Variants in ZNF536 observed in about 807,000 individuals in gnomAD.
ZNF536 encodes the protein zinc finger protein 536.
ZNF536 carries 13 observed loss-of-function variants against 84.5 expected under a neutral mutation model. That is an observed-to-expected ratio of 0.15 (90% CI 0.10 to 0.24). ZNF536 has a LOEUF of 0.24. Among genes scored for constraint, ZNF536 ranks in the 10% least tolerant of loss-of-function variants. The pLI is 1.00. For missense variants in ZNF536, 1,536 were observed against 1,747.5 expected, an observed-to-expected ratio of 0.88 and a Z score of 2.16; for synonymous variants, 811 against 742.5, an observed-to-expected ratio of 1.09 and a Z score of -1.50.
intron 1 of ZNF536, among the ~76,000 whole-genome samples, chr19:30,421,208 C>T (rs1600663713): frequency 2.0e-5 from 3 of 151,916 alleles, no homozygotes; most frequent in Non-Finnish European, 2.9e-5. Context: ...TTTAAAATTA[C>T]TTTTTTTTCT....
chr19:30,264,023 G>A (rs1238524085), intron 1 of ZNF536, among the ~76,000 whole-genome samples: 1 of 152,168 alleles, frequency 6.6e-6, no homozygotes, highest in Non-Finnish European at 1.5e-5. Context: ...AACTTGAAAG[G>A]TTAGCTATGA....
At chr19:30,535,044 G>A (rs1234924707) in intron 3 of ZNF536, 45 bp downstream of exon 3, 2 of 1,568,822 alleles carry the variant, frequency 1.3e-6, no homozygotes, top group South Asian at 2.4e-5. Context: ...AGAGAAGGAG[G>A]AGGTCCCCGT....
intron 1 of ZNF536, among the ~76,000 whole-genome samples, chr19:30,272,410 C>A (rs1049879708): frequency 3.9e-5 from 6 of 152,038 alleles, no homozygotes; most frequent in Admixed American, 2.0e-4. Context: ...ATTGTTGAAC[C>A]AATATTGATA....
chr19:30,260,817 C>T (rs1297135648), intron 1 of ZNF536, among the ~76,000 whole-genome samples: 1 of 152,170 alleles, frequency 6.6e-6, no homozygotes, highest in African/African-American at 2.4e-5. Context: ...GGCCTTCATA[C>T]CCCCAAGCCC....
chr19:30,491,657 C>A (rs1394732790), intron 2 of ZNF536, among the ~76,000 whole-genome samples: 1 of 152,068 alleles, frequency 6.6e-6, no homozygotes, highest in African/African-American at 2.4e-5. Context: ...AGCATGGAGA[C>A]CTGTGCACTA....
chr19:30,338,705 G>A (rs983858806), intron 2 of ZNF536, among the ~76,000 whole-genome samples: 2 of 152,122 alleles, frequency 1.3e-5, no homozygotes, highest in African/African-American at 4.8e-5. Flanking sequence ...ATTTCACAGG[G>A]TTGTTGTAAG....
At chr19:30,530,949 A>G (rs1163082456) in intron 2 of ZNF536, among the ~76,000 whole-genome samples, 1 of 152,208 alleles carries the variant, frequency 6.6e-6, no homozygotes, top group Non-Finnish European at 1.5e-5. Context: ...GCTGGGGCTC[A>G]CGCACAGTGC....
At chr19:30,532,481 A>G (rs2044878610) in intron 2 of ZNF536, among the ~76,000 whole-genome samples, 2 of 152,176 alleles carry the variant, frequency 1.3e-5, no homozygotes, top group African/African-American at 2.4e-5. Flanking sequence ...TCCTGAAGCC[A>G]ACATCCAGGA....
chr19:30,378,922 T>A (rs1346542444), intron 1 of ZNF536, among the ~76,000 whole-genome samples: 1 of 152,186 alleles, frequency 6.6e-6, no homozygotes, highest in East Asian at 1.9e-4. Context: ...TGTGGGCCTG[T>A]GTCTTGTCTC....
chr19:30,394,675 T>C (rs993877874), intron 1 of ZNF536, among the ~76,000 whole-genome samples: 2 of 152,206 alleles, frequency 1.3e-5, no homozygotes, highest in Non-Finnish European at 2.9e-5. Flanking sequence ...TAGTACAGTC[T>C]GGAAATTACA....
At chr19:30,663,261 A>G (rs935061906) in intron 1 of ZNF536, among the ~76,000 whole-genome samples, 3 of 151,982 alleles carry the variant, frequency 2.0e-5, no homozygotes, top group African/African-American at 7.2e-5. Flanking sequence ...AATGCAGACA[A>G]ACCCCCTGAG....
intron 2 of ZNF536, among the ~76,000 whole-genome samples, chr19:30,483,873 G>A (rs991399644): frequency 2.0e-5 from 3 of 152,064 alleles, no homozygotes; most frequent in Non-Finnish European, 4.4e-5. Context: ...CACAGTCTTT[G>A]TTCTGGGGTG....
chr19:30,234,397 C>CTTTTTTTTTT (rs5827694), intron 1 of ZNF536, among the ~76,000 whole-genome samples: 1 of 82,394 alleles, frequency 1.2e-5, no homozygotes, highest in African/African-American at 5.1e-5. Flanking sequence ...AGGCTCCTTC[C>CTTTTTTTTTT]TTTTTTTTTT....
At chr19:30,634,508 C>T (rs1173744780) in intron 1 of ZNF536, among the ~76,000 whole-genome samples, 1 of 152,106 alleles carries the variant, frequency 6.6e-6, no homozygotes, top group Non-Finnish European at 1.5e-5. Context: ...GGAGGGAGTG[C>T]TTCCTGGGTA....
chr19:30,637,844 CT>C (rs1379857951), intron 1 of ZNF536, among the ~76,000 whole-genome samples: 1 of 151,980 alleles, frequency 6.6e-6, no homozygotes, highest in African/African-American at 2.4e-5. Flanking sequence ...AAGACTGTGT[CT>C]TTTTTTTATA....
intron 1 of ZNF536, among the ~76,000 whole-genome samples, chr19:30,568,179 A>G (rs2046419584): frequency 6.6e-6 from 1 of 152,190 alleles, no homozygotes; most frequent in Admixed American, 6.5e-5. Context: ...TGCAGACAGT[A>G]GGTAGCATTT....
chr19:30,294,810 G>T (rs2045948426), intron 2 of ZNF536, among the ~76,000 whole-genome samples: 1 of 152,122 alleles, frequency 6.6e-6, no homozygotes, highest in Non-Finnish European at 1.5e-5. Context: ...ACTCCTACAG[G>T]GACTGAAGGC....
chr19:30,616,880 C>T lies in ZNF536; in HGVS notation c.169+67366C>T, dbSNP rs779493861. ...TTTCTCTCTCCTCTGTGGTCAATTT[C>T]GGTAACTACCCTTTTCACAAAAAGG... On this transcript the variant is annotated intron_variant, in intron 1 of 1. Coordinates refer to the ZNF536 transcript ENST00000592773. Among the ~76,000 whole-genome samples, 69 of 152,070 alleles carry T rather than the reference C, an allele frequency of 4.5e-4. 1 individual carries two copies. Among genetic ancestry groups the T allele is most frequent in the Admixed American group, 1.6e-3 (25 of 15,274 alleles).
intron 2 of ZNF536, among the ~76,000 whole-genome samples, chr19:30,315,058 ATTC>A (rs990145998): frequency 1.1e-4 from 17 of 152,156 alleles, no homozygotes; most frequent in African/African-American, 4.1e-4. Flanking sequence ...ACTTCTGCTT[ATTC>A]TTCTTATTTC....
Sources: allele counts gnomAD v4.1 joint callset (sites outside exome capture counted in the v4.1 genomes callset), GRCh38; gene constraint gnomAD v4.1.1; transcripts MANE v1.5; gene names NCBI Gene and HGNC (gene_info 2026-07-23, HGNC 2026-07-21).